Variants in IL7 observed in about 807,000 individuals in gnomAD.
The protein encoded by IL7 is interleukin 7.
Under a neutral mutation model 21.6 loss-of-function variants are expected in IL7, and 3 were observed. That is an observed-to-expected ratio of 0.14 (90% CI 0.06 to 0.36). IL7 has a LOEUF of 0.36. IL7 is among the 10% of genes least tolerant of loss of function. The pLI, the probability that IL7 is intolerant of heterozygous loss-of-function variation, is 1.00. For synonymous variants in IL7, 62 were observed against 68.1 expected (o/e 0.91, Z 0.44); for missense variants, 175 against 200.2 (o/e 0.87, Z 0.76).
At chr8:78,769,740 C>T (rs1407660485) in intron 2 of IL7, among the ~76,000 whole-genome samples, 2 of 152,042 alleles carry the variant, frequency 1.3e-5, no homozygotes, top group African/African-American at 4.8e-5. Context: ...AAACCTAAGC[C>T]AAAAGAACAA....
intron 4 of IL7, among the ~76,000 whole-genome samples, chr8:78,682,594 G>A (rs1809825180): frequency 6.6e-6 from 1 of 152,150 alleles, no homozygotes; most frequent in African/African-American, 2.4e-5. Context: ...CCCACAACCT[G>A]TGGGGATTAT....
chr8:78,686,526 C>T, intron 3 of IL7: 2 of 1,554,004 alleles, frequency 1.3e-6, no homozygotes, highest in Non-Finnish European at 1.7e-6. Context: ...TCATTGCTAC[C>T]ATAAGAGCAG....
At chr8:78,692,578 G>A (rs1810245609) in intron 3 of IL7, among the ~76,000 whole-genome samples, 1 of 152,072 alleles carries the variant, frequency 6.6e-6, no homozygotes, top group Admixed American at 6.6e-5. Flanking sequence ...TAGGAGGGGA[G>A]CAGTAAGGAG....
chr8:78,686,262 C>T (rs1029006642), intron 3 of IL7, among the ~76,000 whole-genome samples: 4 of 152,102 alleles, frequency 2.6e-5, no homozygotes, highest in Admixed American at 1.3e-4. Flanking sequence ...TTCGCGATGA[C>T]ACTTACATTA....
chr8:78,799,945 C>G (rs1382093246), intron 1 of IL7, among the ~76,000 whole-genome samples: 2 of 152,044 alleles, frequency 1.3e-5, no homozygotes, highest in East Asian at 3.9e-4. Flanking sequence ...TTAAGGGGGA[C>G]CAGAGCAGAT....
chr8:78,729,425 A>G (rs1262601633), downstream of IL7, among the ~76,000 whole-genome samples: 1 of 152,038 alleles, frequency 6.6e-6, no homozygotes, highest in Non-Finnish European at 1.5e-5. Flanking sequence ...TTGGAGCTTC[A>G]GTAAACCCCT....
intron 3 of IL7, among the ~76,000 whole-genome samples, chr8:78,704,948 A>G (rs1810723093): frequency 6.6e-6 from 1 of 152,158 alleles, no homozygotes; most frequent in African/African-American, 2.4e-5. Context: ...CAGCTTTATC[A>G]GGTTGGTTAT....
rs7839334 is a variant in IL7 at position 78,677,634 on chromosome 8, G to A, written n.274-1530C>T. 9.2e-3 allele frequency among the ~76,000 whole-genome samples: 1,379 copies of A among 150,702 alleles called. 19 individuals carry two copies. The highest frequency in any genetic ancestry group is 0.032 in the African/African-American group (1,323 of 41,092). ...TTCTTTTTCTAGTATCTATGTTCAG[G>A]CATTTAGTGGAGACTTTTTTTTTTG... On this transcript the variant is annotated intron_variant and non_coding_transcript_variant, in intron 4 of 4. Coordinates refer to the IL7 transcript ENST00000523959.
chr8:78,689,210 T>G lies in IL7; in HGVS notation n.215-3263A>C, dbSNP rs1810126406. On this transcript the variant is annotated intron_variant and non_coding_transcript_variant, in intron 3 of 4. Transcript: ENST00000523959. ...TATGCTATTAATCTGTTTCCGTTTT[T>G]ATCTGTTATAGATTATATTCAATGT... 2.0e-6 allele frequency: 3 copies of G among 1,465,124 alleles called. No homozygotes were observed. The South Asian group carries it at 4.7e-5, about 23-fold the overall frequency. The allele number at this position is 1,465,124 out of a possible 1,614,324, so 90.8% of individuals were successfully genotyped here. A position where few individuals can be genotyped will look rare whatever the true frequency, so the allele number is the denominator to read the frequency against.
At chr8:78,760,480 C>T in intron 2 of IL7, 5 of 1,541,108 alleles carry the variant, frequency 3.2e-6, no homozygotes, top group Non-Finnish European at 3.5e-6. Context: ...CCCTGTGTTT[C>T]CATTTGATTC....
intron 2 of IL7, among the ~76,000 whole-genome samples, chr8:78,782,561 G>A (rs1257562364): frequency 3.3e-5 from 5 of 152,094 alleles, no homozygotes; most frequent in African/African-American, 7.2e-5. Context: ...TGGAGGCTGC[G>A]CAACAGCAAA....
chr8:78,697,868 TG>T (rs914095706), intron 3 of IL7, among the ~76,000 whole-genome samples: 1 of 151,914 alleles, frequency 6.6e-6, no homozygotes, highest in African/African-American at 2.4e-5. Context: ...TTAATAGAGA[TG>T]GGGTTTCACC....
At chr8:78,790,768 AT>A (rs1162946841) in intron 2 of IL7, among the ~76,000 whole-genome samples, 2 of 152,090 alleles carry the variant, frequency 1.3e-5, no homozygotes, top group Non-Finnish European at 2.9e-5. Context: ...GGTAAAACCT[AT>A]ATTCTGAAAA....
chr8:78,763,648 G>A (rs972148446), intron 2 of IL7, among the ~76,000 whole-genome samples: 2 of 152,012 alleles, frequency 1.3e-5, no homozygotes, highest in African/African-American at 4.8e-5. Flanking sequence ...ACTCTGAATA[G>A]GACTATATCT....
At chr8:78,780,917 G>A (rs1446670263) in intron 2 of IL7, among the ~76,000 whole-genome samples, 2 of 152,178 alleles carry the variant, frequency 1.3e-5, no homozygotes, top group Non-Finnish European at 2.9e-5. Flanking sequence ...AGGTGCTCCT[G>A]TATTGGGTGC....
chr8:78,720,025 A>C (rs1401190035), intron 5 of IL7, among the ~76,000 whole-genome samples: 1 of 151,860 alleles, frequency 6.6e-6, no homozygotes, highest in Non-Finnish European at 1.5e-5. Context: ...TAGCAGTCAC[A>C]AACATTTGTG....
chr8:78,728,927 C>T (rs918153285), downstream of IL7, among the ~76,000 whole-genome samples: 1 of 151,968 alleles, frequency 6.6e-6, no homozygotes, highest in Admixed American at 6.6e-5. Flanking sequence ...ATGCTTTTTA[C>T]TCCCTTTGCA....
At chr8:78,804,846 A>G (rs1814256585) in intron 1 of IL7, 67 bp downstream of exon 1, 1 of 1,598,222 alleles carries the variant, frequency 6.3e-7, no homozygotes, top group Non-Finnish European at 8.6e-7. Context: ...AGGGGCCCCC[A>G]GCGCGTCTGG....
chr8:78,778,596 A>T (rs921700562), intron 2 of IL7, among the ~76,000 whole-genome samples: 1 of 151,842 alleles, frequency 6.6e-6, no homozygotes, highest in African/African-American at 2.4e-5. Flanking sequence ...TTTCCATTGG[A>T]CTACGTGTCT....
Sources: allele counts gnomAD v4.1 joint callset (sites outside exome capture counted in the v4.1 genomes callset), GRCh38; gene constraint gnomAD v4.1.1; transcripts MANE v1.5; gene names NCBI Gene and HGNC (gene_info 2026-07-23, HGNC 2026-07-21).